The following NIN variants were observed in gnomAD, a reference collection of about 807,000 sequenced individuals.
The protein encoded by NIN is glycogen synthase kinase 3 beta-interacting protein.
Under a neutral mutation model 257.6 loss-of-function variants are expected in NIN, and 137 were observed. The ratio of observed to expected loss-of-function variants is 0.53; its 90% CI spans 0.46 to 0.61. NIN has a LOEUF of 0.61. NIN is among the 20% of genes least tolerant of loss of function. The pLI, the probability that NIN is intolerant of heterozygous loss-of-function variation, is 0.00. For synonymous variants in NIN, 918 were observed against 919.8 expected (o/e 1.00, Z 0.04); for missense variants, 2,439 against 2,501.2 (o/e 0.98, Z 0.53).
chr14:50,805,932 T>C (rs1354977632), intron 4 of NIN: 1 of 152,092 alleles, frequency 6.6e-6, no homozygotes, highest in Non-Finnish European at 1.5e-5. Context: ...AAAACCAGAC[T>C]GTACTGTAAT....
chr14:50,761,807 G>C lies in NIN; in HGVS notation c.1879C>G (p.Leu627Val), dbSNP rs745419911. ...QHHRDICCLR[L>V]ELEDKVRHYE... ...GGACTTACTTTATCTTCGAGCTCCA[G>C]TCTGAGGCAACATATGTCCCTGTGA... is the stretch of plus-strand genomic sequence containing the variant. Residue 627 changes from leucine to valine, a missense_variant, in exon 16 of 31, where the codon CTG becomes GTG. Transcript: ENST00000530997. 8 of 1,614,044 alleles carry C rather than the reference G, an allele frequency of 5.0e-6. No individual in the cohort carries two copies. The highest frequency in any genetic ancestry group is 6.8e-6 in the Non-Finnish European group (8 of 1,180,036).
chr14:50,723,583 C>T lies in NIN; in HGVS notation c.6282G>A (p.Gln2094=), dbSNP rs1349889267. 1 of 1,613,800 alleles carries T rather than the reference C, an allele frequency of 6.2e-7. No homozygotes were observed. Among genetic ancestry groups the T allele is most frequent in the African/African-American group, 1.3e-5 (1 of 74,912 alleles). Residue 2094 remains glutamine, a synonymous_variant, in exon 31 of 31, where the codon CAG becomes CAA. Coordinates refer to ENST00000530997, the MANE Select transcript of NIN (RefSeq NM_020921.4). ...QLLKALEVTE[Q]RQKTAEKKNY... ...TTTTCTTCTCTGCTGTTTTCTGTCGCTGTTCAGTCACTTCCAGAGCTTTCA... is the reference window on the plus strand; with the variant it reads ...TTTTCTTCTCTGCTGTTTTCTGTCGTTGTTCAGTCACTTCCAGAGCTTTCA...
intron 5 of NIN, among the ~76,000 whole-genome samples, chr14:50,779,649 T>A (rs1297122458): frequency 6.6e-6 from 1 of 151,854 alleles, no homozygotes; most frequent in Non-Finnish European, 1.5e-5. Context: ...TCCCAGCTAC[T>A]CGGGAGGCTG....
At chr14:50,732,494 G>A (rs1192715506) in intron 28 of NIN, among the ~76,000 whole-genome samples, 1 of 152,194 alleles carries the variant, frequency 6.6e-6, no homozygotes, top group African/African-American at 2.4e-5. Context: ...CTACAGCCGA[G>A]TGATGAACAG....
chr14:50,817,432 A>C (rs2044958983), intron 3 of NIN, among the ~76,000 whole-genome samples: 1 of 152,232 alleles, frequency 6.6e-6, no homozygotes, highest in Non-Finnish European at 1.5e-5. Context: ...AGAAATTTAG[A>C]AAGAACCTCA....
chr14:50,762,014 C>G, intron 15 of NIN, 103 bp from the exon 16 acceptor site: 6 of 1,230,508 alleles, frequency 4.9e-6, no homozygotes, highest in Non-Finnish European at 7.0e-6. Context: ...TGATTTTCAG[C>G]CTGAATTACC....
chr14:50,758,046 T>C lies in NIN; in HGVS notation c.2984A>G (p.Lys995Arg), dbSNP rs1211680399. The C allele has an allele frequency of 8.7e-6, 14 of 1,614,134 alleles. No individual in the cohort carries two copies. Among genetic ancestry groups the C allele is most frequent in the East Asian group, 2.2e-5 (1 of 44,896 alleles). ...SKLLAMENIH[K>R]ATCETADRER... Reference sequence around the variant, plus strand: ...TCGATCTGCTGTCTCACAGGTCGCTTTGTGAATGTTCTCCATGGCTAGAAG... The same window carrying C: ...TCGATCTGCTGTCTCACAGGTCGCTCTGTGAATGTTCTCCATGGCTAGAAG... The change falls in exon 18 of 31, where the codon AAA (lysine) becomes AGA (arginine). Residue 995 changes from lysine (K) to arginine (R), a missense_variant. Lys to Arg is a conservative substitution (Grantham distance 26, BLOSUM62 2). This residue lies in a region of NIN where 2,043 missense variants were observed against 2,050.2 expected (regional missense o/e 1.00). Coordinates refer to ENST00000530997, the MANE Select transcript of NIN (RefSeq NM_020921.4).
intron 18 of NIN, among the ~76,000 whole-genome samples, chr14:50,755,512 T>A (rs955107888): frequency 6.6e-6 from 1 of 151,996 alleles, no homozygotes; most frequent in Non-Finnish European, 1.5e-5. Context: ...ACTATGCAAT[T>A]ATATTTTACA....
At chr14:50,734,234 T>G (rs2040864467) in intron 28 of NIN, among the ~76,000 whole-genome samples, 11 of 151,794 alleles carry the variant, frequency 7.2e-5, no homozygotes, top group Non-Finnish European at 1.5e-5. Flanking sequence ...GGATCACAGG[T>G]GCCCACCACC....
chr14:50,751,530 A>G (rs1055478129), intron 21 of NIN, among the ~76,000 whole-genome samples: 1 of 152,148 alleles, frequency 6.6e-6, no homozygotes, highest in Non-Finnish European at 1.5e-5. Context: ...AGTGATTCTG[A>G]ACATTTTTCC....
At chr14:50,763,183 T>G (rs568036691) in intron 15 of NIN, among the ~76,000 whole-genome samples, 1 of 152,266 alleles carries the variant, frequency 6.6e-6, no homozygotes, top group Non-Finnish European at 1.5e-5. Flanking sequence ...TAACTGATTA[T>G]GAGCTGTCTC....
intron 21 of NIN, among the ~76,000 whole-genome samples, chr14:50,748,316 G>A (rs1030551133): frequency 1.3e-5 from 2 of 152,102 alleles, no homozygotes; most frequent in African/African-American, 2.4e-5. Context: ...GGTATTGATG[G>A]AACGTATCTC....
intron 21 of NIN, 124 bp from the exon 22 acceptor site, chr14:50,748,229 C>T: frequency 3.4e-6 from 2 of 587,668 alleles, no homozygotes; most frequent in South Asian, 4.5e-5. Flanking sequence ...GTTTTATGAC[C>T]ATTTTTTATC....
chr14:50,772,274 C>T, intron 9 of NIN, 27 bp downstream of exon 9: 3 of 1,558,144 alleles, frequency 1.9e-6, no homozygotes, highest in Non-Finnish European at 2.6e-6. Context: ...TCCAGTTTGT[C>T]ATTTTTCTCA....
chr14:50,754,383 A>G (rs2041931787), intron 20 of NIN, among the ~76,000 whole-genome samples, 180 bp downstream of exon 20: 1 of 152,158 alleles, frequency 6.6e-6, no homozygotes, highest in African/African-American at 2.4e-5. Context: ...ATTTAACATA[A>G]AACAGGAAGC....
At chr14:50,794,090 C>T (rs951582328) in intron 4 of NIN, among the ~76,000 whole-genome samples, 3 of 152,120 alleles carry the variant, frequency 2.0e-5, no homozygotes, top group Non-Finnish European at 2.9e-5. Flanking sequence ...AAAGAACGAC[C>T]GTTCCTTTAT....
chr14:50,772,181 C>T lies in NIN; in HGVS notation c.981+120G>A, dbSNP rs555823254. On this transcript the variant is annotated intron_variant, in intron 9 of 30. Coordinates refer to ENST00000530997, the MANE Select transcript of NIN (RefSeq NM_020921.4). ...AAAAAGTTACCTTTTATCTTTGAGACTTTGTGAACAGAAGTACCATTAAGA... is the reference window on the plus strand; with the variant it reads ...AAAAAGTTACCTTTTATCTTTGAGATTTTGTGAACAGAAGTACCATTAAGA... 8 of 949,656 alleles carry T rather than the reference C, an allele frequency of 8.4e-6. No individual in the cohort carries two copies. In the East Asian group the frequency reaches 2.1e-4, roughly 25 times the overall value. The allele number at this position is 949,656 out of a possible 1,614,324, so 58.8% of individuals were successfully genotyped here.
intron 21 of NIN, among the ~76,000 whole-genome samples, 191 bp downstream of exon 21, chr14:50,752,327 A>G (rs1231709384): frequency 6.6e-6 from 1 of 152,176 alleles, no homozygotes; most frequent in East Asian, 1.9e-4. Context: ...CCCTGGTTAT[A>G]CACTACGTTT....
rs142213280 is a variant in NIN at position 50,741,680 on chromosome 14, G to C, written c.5350C>G (p.Arg1784Gly). 8 of 1,613,836 alleles carry C rather than the reference G, an allele frequency of 5.0e-6. No homozygotes were observed. Among genetic ancestry groups the C allele is most frequent in the Non-Finnish European group, 6.8e-6 (8 of 1,179,944 alleles). Residue 1784 changes from arginine (R) to glycine (G), a missense_variant, in exon 25 of 31, where the codon CGG (arginine) becomes GGG (glycine). Physicochemically the swap from Arg to Gly is moderately radical, Grantham distance 125 (BLOSUM62 -2). Transcript: ENST00000530997. ...GTCACTCGTAGGTCAGATTTCATCC[G>C]GGACATTTGCAGGTTTACATTCTGC... ...TVQNVNLQMS[R>G]MKSDLRVTQQ...
Sources: allele counts gnomAD v4.1 joint callset (sites outside exome capture counted in the v4.1 genomes callset), GRCh38; gene constraint gnomAD v4.1.1; regional missense constraint gnomAD v4.1.1; transcripts MANE v1.5; gene names NCBI Gene and HGNC (gene_info 2026-07-23, HGNC 2026-07-21).